ZNF362: variants seen among roughly 807,000 people sequenced by gnomAD.
The protein encoded by ZNF362 is rotund homolog.
In ZNF362, 11 loss-of-function variants were observed where a neutral mutation model predicts 42.9. The observed-to-expected ratio is 0.26, with a 90% CI of 0.16 to 0.42. The LOEUF (loss-of-function observed/expected upper bound fraction) is 0.42, where lower values mean the gene tolerates loss of function less well. Ranked by LOEUF, ZNF362 falls within the 20% of genes least tolerant of loss-of-function variation. The pLI, the probability that ZNF362 is intolerant of heterozygous loss-of-function variation, is 1.00. For missense variants in ZNF362, 362 were observed against 576.2 expected (o/e 0.63, Z 3.81); for synonymous variants, 255 against 257.3 (o/e 0.99, Z 0.09).
the ZNF362 span, among the ~76,000 whole-genome samples, chr1:33,162,468 C>T: frequency 6.6e-6 from 1 of 152,364 alleles, no homozygotes; most frequent in Middle Eastern, 3.4e-3. Flanking sequence ...TTCTGTCTCC[C>T]TGGCTAGTAA....
chr1:33,218,980 C>T, the ZNF362 span, among the ~76,000 whole-genome samples: 8 of 122,178 alleles, frequency 6.5e-5, no homozygotes, highest in Admixed American at 3.3e-4. Context: ...CACACACACA[C>T]ATACACCACC....
intron 4 of ZNF362, among the ~76,000 whole-genome samples, chr1:33,277,669 G>A (rs937122319): frequency 6.6e-6 from 1 of 152,172 alleles, no homozygotes. Context: ...GATACATTGT[G>A]GGAGAAGAGA....
At chr1:33,215,092 C>G in the ZNF362 span, among the ~76,000 whole-genome samples, 1 of 152,130 alleles carries the variant, frequency 6.6e-6, no homozygotes, top group Non-Finnish European at 1.5e-5. Context: ...TGGAATCAAT[C>G]TAAGTGTCCC....
the ZNF362 span, among the ~76,000 whole-genome samples, chr1:33,209,089 GT>G: frequency 1.3e-5 from 2 of 152,140 alleles, no homozygotes; most frequent in Admixed American, 1.3e-4. Flanking sequence ...TTTGAGATAT[GT>G]TCCATCAATA....
Position 33,274,701 on chromosome 1 carries a change from T to C in ZNF362, c.39-1399T>C, listed in dbSNP as rs984825020. On this transcript the variant is annotated intron_variant, in intron 2 of 8. Transcript: ENST00000539719. ...GAGCCATTTGCATATGGGCATTTGC[T>C]CTTCCAAAGACTAGGGTTTGCAAAG... Among the ~76,000 whole-genome samples the C allele has an allele frequency of 2.8e-4, 43 of 152,308 alleles. 1 individual carries two copies. Among genetic ancestry groups the C allele is most frequent in the African/African-American group, 1.0e-3 (43 of 41,562 alleles).
chr1:33,270,777 C>T (rs989076831), intron 2 of ZNF362, among the ~76,000 whole-genome samples, 165 bp downstream of exon 2: 11 of 152,186 alleles, frequency 7.2e-5, no homozygotes, highest in Admixed American at 2.6e-4. Context: ...CCTCCTGTGT[C>T]GTGGTGGCTG....
chr1:33,178,992 G>A, the ZNF362 span, among the ~76,000 whole-genome samples: 485 of 152,306 alleles, frequency 3.2e-3, 19 homozygotes, highest in East Asian at 0.083. Flanking sequence ...CAGAGAAGAG[G>A]GATCTGGGTC....
At chr1:33,250,582 T>A in the ZNF362 span, among the ~76,000 whole-genome samples, 2 of 151,924 alleles carry the variant, frequency 1.3e-5, no homozygotes, top group Non-Finnish European at 2.9e-5. Context: ...TACTGGGGCC[T>A]ATTTGGGGAG....
chr1:33,229,689 A>C, the ZNF362 span, among the ~76,000 whole-genome samples: 4,770 of 151,946 alleles, frequency 0.031, 107 homozygotes, highest in African/African-American at 0.053. Context: ...ACAGGCGTGA[A>C]CCACCACTCC....
chr1:33,157,662 C>A, the ZNF362 span, among the ~76,000 whole-genome samples: 1 of 152,200 alleles, frequency 6.6e-6, no homozygotes, highest in Admixed American at 6.5e-5. Context: ...CTCTTATGTA[C>A]CCTGTTGTAT....
chr1:33,226,759 G>C, the ZNF362 span, among the ~76,000 whole-genome samples: 21 of 152,294 alleles, frequency 1.4e-4, no homozygotes, highest in South Asian at 3.9e-3. Flanking sequence ...CAGCTACTTG[G>C]GAGGCTGTGG....
At chr1:33,244,226 A>G in the ZNF362 span, among the ~76,000 whole-genome samples, 1,298 of 151,884 alleles carry the variant, frequency 8.5e-3, 16 homozygotes, top group African/African-American at 0.029. This position sits in a 1 kb window ranked among gnomAD's most constrained non-coding sequence, Gnocchi z 4.0. Context: ...TTCTAGTATC[A>G]GGGATGAACT....
chr1:33,181,013 C>G, the ZNF362 span: 80 of 1,480,936 alleles, frequency 5.4e-5, no homozygotes, highest in East Asian at 1.9e-3. This position sits in a 1 kb window ranked among gnomAD's most constrained non-coding sequence, Gnocchi z 6.5. Flanking sequence ...CCAGGCAGGC[C>G]GGGTAGCGCA....
the ZNF362 span, among the ~76,000 whole-genome samples, chr1:33,182,377 A>T: frequency 3.2e-3 from 487 of 152,376 alleles, 19 homozygotes; most frequent in East Asian, 0.083. Context: ...TAAAACGAAC[A>T]AGAATATATT....
chr1:33,185,496 A>G, the ZNF362 span, among the ~76,000 whole-genome samples: 4 of 152,200 alleles, frequency 2.6e-5, no homozygotes, highest in South Asian at 8.3e-4. Flanking sequence ...TGCTGGGATT[A>G]TAGGTGTGAG....
Position 33,266,779 on chromosome 1 carries a change from G to A in ZNF362, c.-88-3708G>A, listed in dbSNP as rs1182014368. ...GGGGCTCAGCCTGTGCAAAGCCATGGCACATCAGATCACCTTGTTCTGGGG... is the reference window on the plus strand; with the variant it reads ...GGGGCTCAGCCTGTGCAAAGCCATGACACATCAGATCACCTTGTTCTGGGG... On this transcript the variant is annotated intron_variant, in intron 1 of 8. Coordinates refer to ENST00000539719, the MANE Select transcript of ZNF362 (RefSeq NM_152493.3). This position sits in a 1 kb window ranked among gnomAD's most constrained non-coding sequence, Gnocchi z 4.3. Among the ~76,000 whole-genome samples, 2 of 152,188 alleles carry A rather than the reference G, an allele frequency of 1.3e-5. No homozygotes were observed. The highest frequency in any genetic ancestry group is 4.8e-5 in the African/African-American group (2 of 41,434).
chr1:33,295,092 G>C (rs932346069), intron 7 of ZNF362, 55 bp from the exon 8 acceptor site: 17 of 1,613,288 alleles, frequency 1.1e-5, no homozygotes, highest in Admixed American at 1.0e-4. Flanking sequence ...GCGTAGGAAG[G>C]GGGTGGGGTG....
intron 4 of ZNF362, among the ~76,000 whole-genome samples, chr1:33,279,037 T>A (rs890592127): frequency 2.6e-5 from 4 of 152,224 alleles, no homozygotes; most frequent in Non-Finnish European, 5.9e-5. Flanking sequence ...TTAATTATTT[T>A]TTTTAAGAGT....
chr1:33,189,684 C>CACACATATATATGT, the ZNF362 span, among the ~76,000 whole-genome samples: 2 of 20,484 alleles, frequency 9.8e-5, no homozygotes, highest in African/African-American at 2.1e-4. Context: ...TATATATATA[C>CACACATATATATGT]GTATATATAT....
Sources: gnomAD v4.1 joint callset for allele counts (sites outside exome capture counted in the v4.1 genomes callset) on GRCh38, gnomAD v4.1.1 for gene constraint, Gnocchi (gnomAD v3.1) non-coding constraint, MANE v1.5 for transcripts, NCBI Gene and HGNC (gene_info 2026-07-23, HGNC 2026-07-21) for gene names.